Variants in SYT1 observed in about 807,000 individuals in gnomAD.
SYT1 encodes synaptotagmin 1, also known as synaptotagmin-1.
SYT1 carries 8 observed loss-of-function variants against 44.8 expected under a neutral mutation model. That is an observed-to-expected ratio of 0.18 (90% CI 0.10 to 0.32). The LOEUF (loss-of-function observed/expected upper bound fraction) is 0.32, where lower values mean the gene tolerates loss of function less well. SYT1 is among the 10% of genes least tolerant of loss of function. The pLI is 1.00. For missense variants in SYT1, 286 were observed against 509.3 expected (o/e 0.56, Z 4.22); for synonymous variants, 154 against 188.8 (o/e 0.82, Z 1.51).
intron 1 of SYT1, among the ~76,000 whole-genome samples, chr12:78,903,159 A>C (rs1355638139): frequency 6.6e-6 from 1 of 152,066 alleles, no homozygotes; most frequent in Non-Finnish European, 1.5e-5. Context: ...TCTGAAATTT[A>C]TCTTTCAAAT....
At chr12:79,146,910 A>C (rs1178036142) in intron 3 of SYT1, among the ~76,000 whole-genome samples, 1 of 152,120 alleles carries the variant, frequency 6.6e-6, no homozygotes, top group African/African-American at 2.4e-5. Flanking sequence ...GCACGATCTC[A>C]GCTCACTGCA....
chr12:79,128,962 G>A (rs1862710538), intron 3 of SYT1, among the ~76,000 whole-genome samples: 3 of 152,154 alleles, frequency 2.0e-5, no homozygotes, highest in East Asian at 1.9e-4. Context: ...TTCAAAAAGT[G>A]TAGATATAAG....
At chr12:78,977,003 T>G (rs1592625075) in intron 1 of SYT1, among the ~76,000 whole-genome samples, 1 of 152,034 alleles carries the variant, frequency 6.6e-6, no homozygotes, top group East Asian at 1.9e-4. Flanking sequence ...GGGGCAAAAT[T>G]TTTTGCAGTT....
chr12:79,332,906 C>T (rs1241040971), intron 8 of SYT1, among the ~76,000 whole-genome samples: 2 of 152,170 alleles, frequency 1.3e-5, no homozygotes, highest in Admixed American at 6.5e-5. Flanking sequence ...TTCTATTACC[C>T]ACAATCTAAT....
intron 9 of SYT1, chr12:79,419,214 C>G (rs1484293332): frequency 5.9e-6 from 3 of 509,508 alleles, no homozygotes; most frequent in Non-Finnish European, 1.2e-5. Flanking sequence ...TCCCATCACA[C>G]AGTTGTTGAG....
At chr12:79,308,545 A>AC (rs1880542091) in intron 8 of SYT1, among the ~76,000 whole-genome samples, 1 of 139,652 alleles carries the variant, frequency 7.2e-6, no homozygotes, top group East Asian at 2.6e-4. Flanking sequence ...AGAAAGAAAG[A>AC]AAGAAAAAAG....
intron 8 of SYT1, among the ~76,000 whole-genome samples, chr12:79,321,331 G>C (rs1881348195): frequency 1.3e-5 from 2 of 152,124 alleles, no homozygotes; most frequent in South Asian, 4.1e-4. Context: ...CTAGTATTGG[G>C]AGTTCAGGAA....
intron 10 of SYT1, among the ~76,000 whole-genome samples, chr12:79,446,140 A>G (rs982048458): frequency 4.0e-5 from 6 of 150,438 alleles, no homozygotes; most frequent in Non-Finnish European, 5.9e-5. Context: ...TTATATGTGA[A>G]AAAACTGAGG....
At chr12:78,998,070 A>G (rs1361785444) in intron 2 of SYT1, among the ~76,000 whole-genome samples, 1 of 152,228 alleles carries the variant, frequency 6.6e-6, no homozygotes. Flanking sequence ...AAATGAAACA[A>G]AAGAATTACA....
intron 3 of SYT1, among the ~76,000 whole-genome samples, chr12:79,074,399 G>A (rs564025065): frequency 2.0e-5 from 3 of 152,228 alleles, no homozygotes; most frequent in Admixed American, 2.0e-4. Flanking sequence ...CAGCATTTGT[G>A]TTGAGGTTCT....
chr12:79,299,334 T>G, intron 7 of SYT1, 50 bp from the exon 8 acceptor site: 1 of 1,585,010 alleles, frequency 6.3e-7, no homozygotes, highest in Non-Finnish European at 8.6e-7. Flanking sequence ...AGTAACATGT[T>G]TTAAGCATTT....
chr12:79,091,868 A>AT (rs1374870454), intron 3 of SYT1, among the ~76,000 whole-genome samples: 1 of 152,002 alleles, frequency 6.6e-6, no homozygotes, highest in East Asian at 1.9e-4. Flanking sequence ...TGTTTGCAAA[A>AT]TAAGTTTTAG....
At chr12:79,237,659 G>A (rs1465055) in intron 4 of SYT1, among the ~76,000 whole-genome samples, 108,384 of 152,106 alleles carry the variant, frequency 0.71, 39,172 homozygotes, top group African/African-American at 0.79. Context: ...AAAATTTTAA[G>A]TTAAAAAAAA....
At chr12:79,390,563 G>A (rs934783793) in intron 9 of SYT1, among the ~76,000 whole-genome samples, 1 of 151,670 alleles carries the variant, frequency 6.6e-6, no homozygotes, top group African/African-American at 2.4e-5. Context: ...TAGATGATAC[G>A]CTGCTTGGTG....
intron 4 of SYT1, among the ~76,000 whole-genome samples, chr12:79,227,135 A>C (rs574874805): frequency 6.6e-6 from 1 of 152,256 alleles, no homozygotes; most frequent in East Asian, 1.9e-4. Flanking sequence ...GCATGTCATT[A>C]GTTGGGTAAT....
chr12:79,311,417 G>A (rs1460670078), intron 8 of SYT1, among the ~76,000 whole-genome samples: 1 of 141,776 alleles, frequency 7.1e-6, no homozygotes, highest in African/African-American at 2.7e-5. Context: ...TACACTGTTG[G>A]TGGGACTGTA....
chr12:79,446,242 A>G (rs1342188673), intron 10 of SYT1, among the ~76,000 whole-genome samples: 1 of 151,760 alleles, frequency 6.6e-6, no homozygotes, highest in Non-Finnish European at 1.5e-5. Flanking sequence ...AGCGCCCAAT[A>G]CATAGGAACA....
chr12:78,923,667 ACT>A (rs1168022942), intron 1 of SYT1, among the ~76,000 whole-genome samples: 1 of 149,568 alleles, frequency 6.7e-6, no homozygotes, highest in Non-Finnish European at 1.5e-5. Flanking sequence ...AGGTTTCTGA[ACT>A]CTCTCTCCAC....
chr12:79,054,377 G>C (rs1163877195), intron 3 of SYT1, among the ~76,000 whole-genome samples: 1 of 151,926 alleles, frequency 6.6e-6, no homozygotes, highest in East Asian at 1.9e-4. Context: ...ACCATGGTAG[G>C]AGAATTTAAT....
Sources: allele counts gnomAD v4.1 joint callset (sites outside exome capture counted in the v4.1 genomes callset), GRCh38; gene constraint gnomAD v4.1.1; transcripts MANE v1.5; gene names NCBI Gene and HGNC (gene_info 2026-07-23, HGNC 2026-07-21).